CSMD1: variants seen among roughly 807,000 people sequenced by gnomAD.
The protein encoded by CSMD1 is CUB and Sushi multiple domains 1.
A neutral mutation model predicts 417.5 loss-of-function variants in CSMD1; 213 were observed. That is an observed-to-expected ratio of 0.51 (90% confidence interval 0.46 to 0.57). The LOEUF (loss-of-function observed/expected upper bound fraction) is 0.57. Among genes scored for constraint, CSMD1 ranks in the 20% least tolerant of loss-of-function variants. The probability of loss-of-function intolerance (pLI) is 0.00; values close to 1 mark genes in which losing one functional copy is unlikely to be tolerated. For synonymous variants in CSMD1, 2,862 were observed against 1,736.8 expected (o/e 1.65, Z -16.11); for missense variants, 6,923 against 4,529.7 (o/e 1.53, Z -15.17).
At chr8:3,707,697 T>G (rs182550362) in intron 7 of CSMD1, among the ~76,000 whole-genome samples, 2 of 152,286 alleles carry the variant, frequency 1.3e-5, no homozygotes, top group East Asian at 3.9e-4. Flanking sequence ...GTCTGCATAG[T>G]GAGTCTCCAA....
At chr8:4,209,920 G>A (rs1800208400) in intron 3 of CSMD1, among the ~76,000 whole-genome samples, 1 of 152,154 alleles carries the variant, frequency 6.6e-6, no homozygotes, top group Admixed American at 6.5e-5. Context: ...GGAAAGCGGT[G>A]ACCACGTCTG....
intron 3 of CSMD1, among the ~76,000 whole-genome samples, chr8:4,323,726 G>A (rs1416169473): frequency 2.0e-5 from 3 of 149,854 alleles, no homozygotes; most frequent in Non-Finnish European, 3.0e-5. Context: ...GTATGATTTG[G>A]GTATTTCACA....
chr8:3,655,027 T>C (rs1262520855), intron 7 of CSMD1, among the ~76,000 whole-genome samples: 1 of 152,228 alleles, frequency 6.6e-6, no homozygotes, highest in Non-Finnish European at 1.5e-5. Context: ...ATTTTTAAAT[T>C]TAATTAAAAT....
At chr8:3,387,241 C>G (rs1811058690) in intron 18 of CSMD1, among the ~76,000 whole-genome samples, 1 of 152,164 alleles carries the variant, frequency 6.6e-6, no homozygotes, top group Admixed American at 6.5e-5. Context: ...AACACATGTG[C>G]AGAACTAAGC....
intron 6 of CSMD1, among the ~76,000 whole-genome samples, chr8:3,711,598 A>G (rs1302892856): frequency 6.6e-6 from 1 of 151,906 alleles, no homozygotes; most frequent in Non-Finnish European, 1.5e-5. Context: ...TCTCATCCTC[A>G]TCTCTGTGTT....
intron 5 of CSMD1, among the ~76,000 whole-genome samples, chr8:3,889,792 C>G (rs546243439): frequency 3.3e-5 from 5 of 151,994 alleles, no homozygotes; most frequent in African/African-American, 1.2e-4. Flanking sequence ...ATATAGGTAT[C>G]CCATACTCTT....
intron 25 of CSMD1, among the ~76,000 whole-genome samples, chr8:3,295,811 C>G (rs980223472): frequency 6.6e-6 from 1 of 152,074 alleles, no homozygotes; most frequent in Non-Finnish European, 1.5e-5. Context: ...AATTACTTTC[C>G]CTGATCACTC....
chr8:3,553,145 G>C (rs1052424458), intron 10 of CSMD1, among the ~76,000 whole-genome samples: 8 of 149,986 alleles, frequency 5.3e-5, no homozygotes, highest in Non-Finnish European at 1.2e-4. Flanking sequence ...AGAAAGGAAA[G>C]ACCTACTCTG....
At chr8:4,292,185 G>A (rs1020028769) in intron 3 of CSMD1, among the ~76,000 whole-genome samples, 1 of 152,112 alleles carries the variant, frequency 6.6e-6, no homozygotes, top group Non-Finnish European at 1.5e-5. Context: ...CAGAAGGGAT[G>A]GACTTATTTA....
intron 7 of CSMD1, chr8:3,702,184 G>C (rs1800908935): frequency 6.6e-6 from 1 of 152,054 alleles, no homozygotes; most frequent in South Asian, 2.1e-4. Context: ...TTAAATAATG[G>C]TTCTGGATTA....
At chr8:4,145,618 G>C (rs138592327) in intron 3 of CSMD1, among the ~76,000 whole-genome samples, 11 of 150,792 alleles carry the variant, frequency 7.3e-5, no homozygotes, top group Admixed American at 4.6e-4. Context: ...CAAAGTCCTC[G>C]GCTCAAGCGA....
intron 1 of CSMD1, among the ~76,000 whole-genome samples, chr8:4,666,767 A>G (rs776801565): frequency 1.3e-5 from 2 of 152,122 alleles, no homozygotes; most frequent in Non-Finnish European, 2.9e-5. Context: ...TCAGATATGT[A>G]TTTTGCAAAA....
intron 1 of CSMD1, among the ~76,000 whole-genome samples, chr8:4,915,620 G>C (rs1045388882): frequency 2.0e-5 from 3 of 152,180 alleles, no homozygotes; most frequent in East Asian, 3.9e-4. Context: ...TTGAACTCTG[G>C]GCTAGCAGTT....
intron 5 of CSMD1, among the ~76,000 whole-genome samples, chr8:3,831,549 C>G (rs1802377595): frequency 6.6e-6 from 1 of 152,132 alleles, no homozygotes. Context: ...ATGTTGTTTT[C>G]ATATGCCTCT....
chr8:3,130,477 C>A (rs1003691106), intron 41 of CSMD1, among the ~76,000 whole-genome samples: 4 of 152,108 alleles, frequency 2.6e-5, no homozygotes, highest in African/African-American at 9.7e-5. Context: ...TCATTCTCTG[C>A]ATGTAAGCAA....
chr8:3,547,500 T>C (rs1401139056), intron 10 of CSMD1, among the ~76,000 whole-genome samples: 1 of 152,188 alleles, frequency 6.6e-6, no homozygotes, highest in Non-Finnish European at 1.5e-5. Flanking sequence ...TGAGCATATA[T>C]TTATGCCTGA....
intron 5 of CSMD1, among the ~76,000 whole-genome samples, chr8:3,834,593 A>T (rs913143238): frequency 1.3e-5 from 2 of 152,196 alleles, no homozygotes. Context: ...ATATAAATGT[A>T]ACAAATGTGA....
At chr8:3,039,660 G>A (rs1440787231) in intron 50 of CSMD1, among the ~76,000 whole-genome samples, 9 of 151,950 alleles carry the variant, frequency 5.9e-5, no homozygotes, top group South Asian at 2.1e-4. Flanking sequence ...AAATGACCTC[G>A]TCTGCATTTT....
chr8:3,977,701 C>G, intron 5 of CSMD1, among the ~76,000 whole-genome samples: 1 of 152,300 alleles, frequency 6.6e-6, no homozygotes, highest in Admixed American at 6.5e-5. Flanking sequence ...CTTTCTCTTT[C>G]TGTCATAGAT....
Sources: allele counts gnomAD v4.1 joint callset (sites outside exome capture counted in the v4.1 genomes callset), GRCh38; gene constraint gnomAD v4.1.1; transcripts MANE v1.5; gene names NCBI Gene and HGNC (gene_info 2026-07-23, HGNC 2026-07-21).